Variants in PDLIM5 observed in about 807,000 individuals in gnomAD.
The protein encoded by PDLIM5 is PDZ and LIM domain 5.
PDLIM5 carries 34 observed loss-of-function variants against 64.2 expected under a neutral mutation model. The ratio of observed to expected loss-of-function variants is 0.53; its 90% CI spans 0.40 to 0.71. PDLIM5 has a LOEUF of 0.71. Ranked by LOEUF, PDLIM5 falls within the 30% of genes least tolerant of loss-of-function variation. The pLI is 0.00. For synonymous variants in PDLIM5, 253 were observed against 269.1 expected, an observed-to-expected ratio of 0.94 and a Z score of 0.59; for missense variants, 683 against 733.6, an observed-to-expected ratio of 0.93 and a Z score of 0.80.
At chr4:94,558,222 T>A (rs1733529695) in intron 3 of PDLIM5, among the ~76,000 whole-genome samples, 1 of 152,198 alleles carries the variant, frequency 6.6e-6, no homozygotes, top group Non-Finnish European at 1.5e-5. Flanking sequence ...TTGATTTGCG[T>A]ATGTTGAACC....
At chr4:94,555,298 G>A (rs1171101104) in intron 3 of PDLIM5, among the ~76,000 whole-genome samples, 3 of 152,082 alleles carry the variant, frequency 2.0e-5, no homozygotes, top group Non-Finnish European at 2.9e-5. Context: ...CAGGTGATCC[G>A]CCTGCTTTGG....
chr4:94,664,898 T>C lies in PDLIM5; in HGVS notation c.*831T>C, dbSNP rs377344916. On this transcript the variant is annotated 3_prime_UTR_variant, in exon 13 of 13. Coordinates refer to ENST00000317968, the MANE Select transcript of PDLIM5 (RefSeq NM_006457.5). ...AAAAAAACTTTGCTTGTATATTATT[T>C]TTGCCTTACAGTGGATCATTCTAGT... 1 of 976,104 alleles carries C rather than the reference T, an allele frequency of 1.0e-6. No homozygotes were observed. 60.5% of individuals were successfully genotyped at this position (976,104 alleles called of 1,614,324 possible).
intron 3 of PDLIM5, among the ~76,000 whole-genome samples, chr4:94,565,823 AATCTCTTATTTATGTGCATAT>A (rs1197073181): frequency 2.0e-5 from 3 of 152,162 alleles, no homozygotes; most frequent in African/African-American, 7.2e-5. Flanking sequence ...TGAAGAACTT[AATCTCTTATTTATGTGCATAT>A]TGTACAGTCT....
chr4:94,505,835 A>G (rs543469583), intron 2 of PDLIM5, among the ~76,000 whole-genome samples: 6 of 152,304 alleles, frequency 3.9e-5, no homozygotes, highest in South Asian at 2.1e-4. Context: ...CAGCTGTCCA[A>G]AAGATCTCTG....
chr4:94,466,615 T>G (rs1303869777), intron 2 of PDLIM5, among the ~76,000 whole-genome samples: 2 of 152,326 alleles, frequency 1.3e-5, no homozygotes, highest in South Asian at 4.1e-4. Flanking sequence ...TTAGATCATT[T>G]CAGCAAAAAT....
intron 2 of PDLIM5, among the ~76,000 whole-genome samples, chr4:94,511,388 C>T (rs1255017882): frequency 6.6e-6 from 1 of 152,026 alleles, no homozygotes; most frequent in Non-Finnish European, 1.5e-5. Flanking sequence ...TGTTTTCGTA[C>T]AGGCATGCAA....
At chr4:94,469,418 G>A (rs1724650968) in intron 2 of PDLIM5, among the ~76,000 whole-genome samples, 1 of 152,142 alleles carries the variant, frequency 6.6e-6, no homozygotes, top group Admixed American at 6.5e-5. Context: ...TGAAGAGCTG[G>A]GAAAACACAT....
At chr4:94,455,633 G>T in intron 2 of PDLIM5, 1 of 693,006 alleles carries the variant, frequency 1.4e-6, no homozygotes, top group South Asian at 1.9e-5. Context: ...CATTTAACTA[G>T]GAACAGACTG....
chr4:94,569,526 G>A (rs1157559444), intron 3 of PDLIM5, among the ~76,000 whole-genome samples: 1 of 151,948 alleles, frequency 6.6e-6, no homozygotes, highest in African/African-American at 2.4e-5. Flanking sequence ...CACCATGTTG[G>A]CCAGGCTGGT....
At chr4:94,574,839 G>C (rs1211561262) in intron 4 of PDLIM5, among the ~76,000 whole-genome samples, 1 of 151,826 alleles carries the variant, frequency 6.6e-6, no homozygotes, top group Non-Finnish European at 1.5e-5. Flanking sequence ...GGGAAATATT[G>C]AAGATTTTTT....
At chr4:94,455,093 A>G (rs1270505733) in intron 1 of PDLIM5, among the ~76,000 whole-genome samples, 154 bp from the exon 2 acceptor site, 1 of 152,226 alleles carries the variant, frequency 6.6e-6, no homozygotes, top group Non-Finnish European at 1.5e-5. Context: ...ATATTAGCTC[A>G]CAGATTGCTT....
chr4:94,535,211 A>G (rs1410164062), intron 3 of PDLIM5, among the ~76,000 whole-genome samples: 2 of 152,176 alleles, frequency 1.3e-5, no homozygotes, highest in African/African-American at 4.8e-5. Flanking sequence ...ACTGAGCAGT[A>G]CTTCTGTAAG....
chr4:94,650,876 C>T (rs374438279), intron 9 of PDLIM5, among the ~76,000 whole-genome samples: 3 of 151,704 alleles, frequency 2.0e-5, no homozygotes, highest in Non-Finnish European at 2.9e-5. Context: ...AGTTTCATGC[C>T]GTAGCTCTTC....
Position 94,498,963 on chromosome 4 carries a change from A to G in PDLIM5, c.97-24761A>G, listed in dbSNP as rs917642689. Among the ~76,000 whole-genome samples the G allele has an allele frequency of 3.9e-5, 6 of 152,336 alleles. No individual in the cohort carries two copies. In the East Asian group the frequency reaches 9.6e-4, roughly 24 times the overall value. On this transcript the variant is annotated intron_variant, in intron 2 of 12. Coordinates refer to ENST00000317968, the MANE Select transcript of PDLIM5 (RefSeq NM_006457.5). ...AGGTATAAAAGCTGTTAACGGTAAA[A>G]ATGTAGCTGTTAATGGTAAAAATGT...
intron 3 of PDLIM5, among the ~76,000 whole-genome samples, chr4:94,546,604 A>G (rs913455098): frequency 6.6e-6 from 1 of 152,172 alleles, no homozygotes; most frequent in Non-Finnish European, 1.5e-5. Flanking sequence ...AATATTAAAT[A>G]CAAATTAAAT....
At chr4:94,561,043 A>T (rs59607266) in intron 3 of PDLIM5, among the ~76,000 whole-genome samples, 2,482 of 152,204 alleles carry the variant, frequency 0.016, 66 homozygotes, top group African/African-American at 0.057. Flanking sequence ...GATGATTTTT[A>T]AAAAATGTAC....
chr4:94,596,763 ATATAT>A (rs36227776), intron 7 of PDLIM5, among the ~76,000 whole-genome samples: 66,446 of 151,248 alleles, frequency 0.44, 15,344 homozygotes, highest in South Asian at 0.75. Flanking sequence ...AATTGAACCA[ATATAT>A]TATATTATAT....
At chr4:94,517,145 G>A (rs183772189) in intron 2 of PDLIM5, among the ~76,000 whole-genome samples, 5 of 152,192 alleles carry the variant, frequency 3.3e-5, no homozygotes, top group African/African-American at 4.8e-5. Context: ...AAACTTCACC[G>A]GGATTTTATT....
intron 3 of PDLIM5, among the ~76,000 whole-genome samples, chr4:94,526,343 C>T (rs72876268): frequency 0.038 from 5,711 of 152,252 alleles, 355 homozygotes; most frequent in African/African-American, 0.13. Flanking sequence ...AATACAGAAT[C>T]TGACAAACCA....
Sources: allele counts gnomAD v4.1 joint callset (sites outside exome capture counted in the v4.1 genomes callset), GRCh38; gene constraint gnomAD v4.1.1; transcripts MANE v1.5; gene names NCBI Gene and HGNC (gene_info 2026-07-23, HGNC 2026-07-21).